Variants in SLC16A2 observed in about 807,000 individuals in gnomAD.
SLC16A2 encodes solute carrier family 16 member 2, also known as monocarboxylate transporter 8.
In SLC16A2, 3 loss-of-function variants were observed where a neutral mutation model predicts 27.2. That is an observed-to-expected ratio of 0.11 (90% CI 0.05 to 0.28). The LOEUF is 0.28. Ranked by LOEUF, SLC16A2 falls within the 10% of genes least tolerant of loss-of-function variation. The pLI, the probability that SLC16A2 is intolerant of heterozygous loss-of-function variation, is 1.00. For synonymous variants in SLC16A2, 202 were observed against 187.8 expected, an observed-to-expected ratio of 1.08 and a Z score of -0.62; for missense variants, 295 against 458.5, an observed-to-expected ratio of 0.64 and a Z score of 3.26.
intron 1 of SLC16A2, among the ~76,000 whole-genome samples, chrX:74,478,004 T>C (rs989810782): frequency 5.4e-5 from 6 of 112,125 alleles, no homozygotes; most frequent in African/African-American, 1.9e-4. Flanking sequence ...CTATTAGGTC[T>C]GCTTGGTGCA....
intron 5 of SLC16A2, among the ~76,000 whole-genome samples, chrX:74,530,088 CTCT>C (rs1930544120): frequency 1.3e-5 from 1 of 78,272 alleles, no homozygotes; most frequent in African/African-American, 4.2e-5. Context: ...CTTTTCTTTT[CTCT>C]TTTTTTTTTT....
At chrX:74,446,675 C>T (rs1055054109) in intron 1 of SLC16A2, among the ~76,000 whole-genome samples, 2 of 111,584 alleles carry the variant, frequency 1.8e-5, no homozygotes, top group African/African-American at 6.5e-5. Context: ...CCAAAATTCT[C>T]TGCTTTATTC....
intron 1 of SLC16A2, among the ~76,000 whole-genome samples, chrX:74,453,555 T>TA (rs1163071055): frequency 9.0e-6 from 1 of 111,546 alleles, no homozygotes; most frequent in Non-Finnish European, 1.9e-5. Flanking sequence ...ACTGTTCCTT[T>TA]AAAAAAACTG....
chrX:74,500,023 G>A (rs1319604592), intron 1 of SLC16A2, among the ~76,000 whole-genome samples: 1 of 111,682 alleles, frequency 9.0e-6, no homozygotes, highest in East Asian at 2.8e-4. Flanking sequence ...AGAGCCAAGT[G>A]CATGCACATT....
At chrX:74,519,489 G>A (rs1449275022) in intron 1 of SLC16A2, among the ~76,000 whole-genome samples, 5 of 101,607 alleles carry the variant, frequency 4.9e-5, no homozygotes, top group African/African-American at 1.4e-4. Flanking sequence ...GATCATCAGC[G>A]GATCACAAGG....
chrX:74,519,731 CA>C (rs1192582302), intron 1 of SLC16A2, among the ~76,000 whole-genome samples: 5 of 75,401 alleles, frequency 6.6e-5, no homozygotes, highest in Admixed American at 1.7e-4. Flanking sequence ...AAAAAAAAAA[CA>C]AAAAAAAAAC....
At chrX:74,478,699 A>G (rs1298255543) in intron 1 of SLC16A2, among the ~76,000 whole-genome samples, 2 of 110,812 alleles carry the variant, frequency 1.8e-5, no homozygotes, top group Admixed American at 1.9e-4. Flanking sequence ...ATCTCTCAGC[A>G]TTTGCTTGTC....
intron 1 of SLC16A2, among the ~76,000 whole-genome samples, chrX:74,432,956 G>T (rs1468340052): frequency 1.8e-5 from 2 of 112,039 alleles, no homozygotes; most frequent in African/African-American, 3.2e-5. Flanking sequence ...CCTCCCTAAA[G>T]GCCACCAGTG....
intron 1 of SLC16A2, among the ~76,000 whole-genome samples, chrX:74,439,477 AT>A (rs58357634): frequency 0.079 from 6,197 of 78,424 alleles, 891 homozygotes; most frequent in East Asian, 0.78. Context: ...GGCCCGGCTA[AT>A]TTTTTTTTTT....
chrX:74,494,756 C>G (rs1047902637), intron 1 of SLC16A2, among the ~76,000 whole-genome samples: 3 of 111,135 alleles, frequency 2.7e-5, no homozygotes, highest in Non-Finnish European at 5.7e-5. Flanking sequence ...TGAGATGAGA[C>G]TGAGATTCAA....
At chrX:74,510,135 T>C (rs754145114) in intron 1 of SLC16A2, among the ~76,000 whole-genome samples, 118 of 111,940 alleles carry the variant, frequency 1.1e-3, no homozygotes, top group Admixed American at 2.1e-3. Context: ...ATGATTCATA[T>C]GGGCCCTTTC....
intron 4 of SLC16A2, among the ~76,000 whole-genome samples, chrX:74,527,305 T>A (rs759565830): frequency 8.9e-6 from 1 of 112,701 alleles, no homozygotes; most frequent in South Asian, 3.7e-4. Flanking sequence ...CATCAACTAG[T>A]AGTTGAACTT....
chrX:74,487,260 C>T (rs773410238), intron 1 of SLC16A2, among the ~76,000 whole-genome samples: 64 of 110,622 alleles, frequency 5.8e-4, no homozygotes, highest in Admixed American at 3.0e-3. Flanking sequence ...AAAAGGGGTC[C>T]CTTAACCCTC....
chrX:74,450,029 TG>T (rs1396802735), intron 1 of SLC16A2, among the ~76,000 whole-genome samples: 1 of 111,762 alleles, frequency 8.9e-6, no homozygotes, highest in African/African-American at 3.3e-5. Flanking sequence ...AAGGCTAGCT[TG>T]GGGAATTTTA....
At chrX:74,440,483 G>A (rs2147841506) in intron 1 of SLC16A2, among the ~76,000 whole-genome samples, 1 of 106,398 alleles carries the variant, frequency 9.4e-6, no homozygotes, top group African/African-American at 3.4e-5. Context: ...AGCCTTTTCA[G>A]CCTTGGGACT....
intron 1 of SLC16A2, among the ~76,000 whole-genome samples, chrX:74,431,920 C>G (rs887819437): frequency 9.0e-6 from 1 of 111,613 alleles, no homozygotes; most frequent in Non-Finnish European, 1.9e-5. Flanking sequence ...TTCCATCTCC[C>G]CACTGTGTTC....
Position 74,421,595 on chromosome X carries a change from A to G in SLC16A2, c.-43A>G, listed in dbSNP as rs751922824. 2.1e-5 allele frequency: 25 copies of G among 1,196,709 alleles called. No homozygotes were observed. Among genetic ancestry groups the G allele is most frequent in the South Asian group, 1.1e-4 (6 of 55,769 alleles). Reference sequence around the variant, plus strand: ...GCAGCAGAAACAAGTACCAGCCACAAAGCGGCTCCTCTGGCCCAAGCAGCC... The same window carrying G: ...GCAGCAGAAACAAGTACCAGCCACAGAGCGGCTCCTCTGGCCCAAGCAGCC... On this transcript the variant is annotated 5_prime_UTR_variant, in exon 1 of 6. Transcript: ENST00000587091.
chrX:74,459,298 G>A (rs1326241935), intron 1 of SLC16A2, among the ~76,000 whole-genome samples: 1 of 101,652 alleles, frequency 9.8e-6, no homozygotes, highest in African/African-American at 3.9e-5. Context: ...CGGTATCCTG[G>A]GAAGAAGAGG....
chrX:74,445,402 C>A (rs931131371), intron 1 of SLC16A2, among the ~76,000 whole-genome samples: 2 of 110,077 alleles, frequency 1.8e-5, no homozygotes, highest in Admixed American at 1.9e-4. Context: ...TGTGTTCCTG[C>A]AAGAAGACTT....
Sources: allele counts gnomAD v4.1 joint callset (sites outside exome capture counted in the v4.1 genomes callset), GRCh38; gene constraint gnomAD v4.1.1; transcripts MANE v1.5; gene names NCBI Gene and HGNC (gene_info 2026-07-23, HGNC 2026-07-21).